The following IQSEC3 variants were observed in gnomAD, a reference collection of about 807,000 sequenced individuals.
IQSEC3 encodes the protein IQ motif and SEC7 domain-containing protein 3.
In IQSEC3, 50 loss-of-function variants were observed where a neutral mutation model predicts 105.4. The ratio of observed to expected loss-of-function variants is 0.47; its 90% CI spans 0.38 to 0.60. IQSEC3 has a LOEUF of 0.60. Among genes scored for constraint, IQSEC3 ranks in the 20% least tolerant of loss-of-function variants. The probability of loss-of-function intolerance (pLI) is 0.00; values close to 1 mark genes in which losing one functional copy is unlikely to be tolerated. For synonymous variants in IQSEC3, 708 were observed against 746.0 expected, an observed-to-expected ratio of 0.95 and a Z score of 0.83; for missense variants, 1,415 against 1,630.0, an observed-to-expected ratio of 0.87 and a Z score of 2.27.
chr12:160,186 TC>T (rs1390356450), intron 7 of IQSEC3, among the ~76,000 whole-genome samples: 1 of 148,372 alleles, frequency 6.7e-6, no homozygotes, highest in East Asian at 2.0e-4. Flanking sequence ...GTTTTTTTTT[TC>T]CCCCATATTT....
chr12:156,463 GGGGGAGCTGGGGCAGCTGT>G (rs1194000472), intron 5 of IQSEC3, among the ~76,000 whole-genome samples: 20 of 152,024 alleles, frequency 1.3e-4, no homozygotes, highest in South Asian at 2.1e-4. Flanking sequence ...GGGGCAGCTG[GGGGGAGCTGGGGCAGCTGT>G]GGGGAGCTGG....
chr12:94,025 C>T (rs1197444106), intron 1 of IQSEC3, among the ~76,000 whole-genome samples: 1 of 152,228 alleles, frequency 6.6e-6, no homozygotes, highest in Non-Finnish European at 1.5e-5. Context: ...CCAAATAAAC[C>T]TCTTTTCTTT....
intron 3 of IQSEC3, among the ~76,000 whole-genome samples, chr12:134,419 G>A (rs1555085771): frequency 2.0e-5 from 3 of 152,242 alleles, no homozygotes; most frequent in Non-Finnish European, 4.4e-5. Flanking sequence ...ATGTCAGCTG[G>A]TCTTCTGCCT....
rs552282095 is a variant in IQSEC3 at position 130,478 on chromosome 12, C to T, written c.903+4566C>T. 5.9e-5 allele frequency among the ~76,000 whole-genome samples: 9 copies of T among 152,334 alleles called. No individual in the cohort carries two copies. The South Asian group carries it at 1.0e-3, about 18-fold the overall frequency. ...CATGGTTTCGACCCTGTACCTTCCA[C>T]CATCTCTTGGCATTACAGTGAGGAA... On this transcript the variant is annotated intron_variant, in intron 3 of 13. Coordinates refer to ENST00000538872, the MANE Select transcript of IQSEC3 (RefSeq NM_001170738.2).
chr12:163,101 G>A (rs868914369), intron 8 of IQSEC3, among the ~76,000 whole-genome samples: 9 of 151,940 alleles, frequency 5.9e-5, no homozygotes, highest in Non-Finnish European at 1.2e-4. Flanking sequence ...GAGAGAGAAG[G>A]ATGAGAGTCA....
intron 3 of IQSEC3, among the ~76,000 whole-genome samples, chr12:127,828 G>A (rs1865466901): frequency 6.6e-6 from 1 of 152,088 alleles, no homozygotes. Context: ...TTTGTAGGTT[G>A]CCTGTTCACT....
chr12:126,314 G>C (rs61908628), intron 3 of IQSEC3, among the ~76,000 whole-genome samples: 1 of 152,128 alleles, frequency 6.6e-6, no homozygotes. Context: ...GGCACCCACA[G>C]GCACAAACGA....
In IQSEC3 at chr12:157,079, C is replaced by T; in HGVS notation, c.2208C>T (p.Arg736=). The T allele has an allele frequency of 6.2e-7, 1 of 1,606,686 alleles. No individual in the cohort carries two copies. Among genetic ancestry groups the T allele is most frequent in the Non-Finnish European group, 8.5e-7 (1 of 1,176,530 alleles). ...GCATGGAGCTGGACGAGGCCCTGCG[C>T]AAGTTCCAGGCACACATCCGTGTGC... The part of the protein sequence containing the change: ...FSSMELDEAL[R]KFQAHIRVQG... The change falls in exon 6 of 14, where the codon CGC becomes CGT. Residue 736 remains arginine, a synonymous_variant. Transcript: ENST00000538872.
At chr12:156,930 C>T (rs1866707686) in intron 5 of IQSEC3, 95 bp from the exon 6 acceptor site, 2 of 1,387,650 alleles carry the variant, frequency 1.4e-6, no homozygotes, top group African/African-American at 1.5e-5. Flanking sequence ...AGGGGCCCTG[C>T]ACCTGTCCTG....
At chr12:85,264 G>A (rs782264506) in intron 1 of IQSEC3, among the ~76,000 whole-genome samples, 50 of 152,354 alleles carry the variant, frequency 3.3e-4, no homozygotes, top group Middle Eastern at 3.4e-3. Context: ...GACTTGGTGA[G>A]GAGCAGCCTC....
intron 4 of IQSEC3, among the ~76,000 whole-genome samples, chr12:140,024 C>G (rs1555088620): frequency 6.6e-6 from 1 of 152,184 alleles, no homozygotes; most frequent in Admixed American, 6.5e-5. Flanking sequence ...ATGGAAATGT[C>G]AGGTCCAGGA....
chr12:120,063 A>G (rs1865168901), intron 2 of IQSEC3, among the ~76,000 whole-genome samples: 1 of 152,164 alleles, frequency 6.6e-6, no homozygotes, highest in Non-Finnish European at 1.5e-5. Flanking sequence ...TTATGAGCCA[A>G]CCACCTATAA....
intron 1 of IQSEC3, among the ~76,000 whole-genome samples, chr12:85,488 A>C (rs1345794255): frequency 1.3e-5 from 2 of 152,246 alleles, no homozygotes; most frequent in African/African-American, 4.8e-5. Context: ...AGTTCAAAGA[A>C]CTAGGCCTCA....
At position 163,525 on chromosome 12, in the gene IQSEC3, G is replaced by C; in HGVS notation, c.2615G>C (p.Cys872Ser). 6.2e-7 allele frequency: 1 copy of C among 1,611,348 alleles called. No individual in the cohort carries two copies. Among genetic ancestry groups the C allele is most frequent in the Non-Finnish European group, 8.5e-7 (1 of 1,179,186 alleles). ...VLSVPHRRLV[C>S]CSRLFEVTDV... is the part of the protein sequence containing the mutation. ...TCCGTGCCCCACCGCCGCCTGGTGT[G>C]CTGCAGCCGGCTCTTCGAGGTGACG... The change falls in exon 9 of 14, where the codon TGC becomes TCC. Residue 872 changes from cysteine (C) to serine (S), a missense_variant. Transcript: ENST00000538872.
chr12:139,116 A>T lies in IQSEC3; in HGVS notation c.1753A>T (p.Arg585Ter), dbSNP rs782167597. Residue 585 changes from arginine (R) to a stop codon, truncating the protein, a stop_gained, in exon 4 of 14, where the codon AGA becomes TGA. Coordinates refer to ENST00000538872, the MANE Select transcript of IQSEC3 (RefSeq NM_001170738.2). LOFTEE classifies it high-confidence loss of function. ...EEEEETAEVGRGAEAEAGDLE... is the reference protein window; with the variant it reads ...EEEEETAEVG ...GGAGGAGGAGACGGCGGAGGTGGGG[A>T]GAGGGGCCGAGGCCGAGGCAGGCGA... 4.6e-6 allele frequency: 7 copies of T among 1,510,716 alleles called. No homozygotes were observed. The highest frequency in any genetic ancestry group is 5.3e-6 in the Non-Finnish European group (6 of 1,127,706). The allele number at this position is 1,510,716 out of a possible 1,614,324, so 93.6% of individuals were successfully genotyped here. A position where few individuals can be genotyped will look rare whatever the true frequency, so the allele number is the denominator to read the frequency against.
At chr12:78,689 G>T (rs1478188491) in intron 1 of IQSEC3, among the ~76,000 whole-genome samples, 13 of 152,116 alleles carry the variant, frequency 8.5e-5, no homozygotes, top group Non-Finnish European at 1.6e-4. Context: ...CACTAGCTGT[G>T]TGATCTCAAG....
intron 2 of IQSEC3, among the ~76,000 whole-genome samples, chr12:99,771 CCT>C (rs1555075685): frequency 6.6e-6 from 1 of 152,150 alleles, no homozygotes; most frequent in African/African-American, 2.4e-5. Flanking sequence ...TGAGCTTTCT[CCT>C]CTGTTTTTTC....
At chr12:82,682 G>C (rs1347505711) in intron 1 of IQSEC3, among the ~76,000 whole-genome samples, 2 of 152,298 alleles carry the variant, frequency 1.3e-5, no homozygotes, top group East Asian at 3.9e-4. Flanking sequence ...ACGGTGTTAA[G>C]CACTTTACAA....
At chr12:69,995 C>G (rs1450840476) in intron 1 of IQSEC3, among the ~76,000 whole-genome samples, 4 of 152,238 alleles carry the variant, frequency 2.6e-5, no homozygotes, top group African/African-American at 9.7e-5. Context: ...TGGGGAGCTC[C>G]CCGCAGAACT....
Sources: gnomAD v4.1 joint callset for allele counts (sites outside exome capture counted in the v4.1 genomes callset) on GRCh38, gnomAD v4.1.1 for gene constraint, MANE v1.5 for transcripts, NCBI Gene and HGNC (gene_info 2026-07-23, HGNC 2026-07-21) for gene names.